ST6GALNAC3: variants seen among roughly 807,000 people sequenced by gnomAD.
The protein encoded by ST6GALNAC3 is ST6 N-acetylgalactosaminide alpha-2,6-sialyltransferase 3.
A neutral mutation model predicts 32.7 loss-of-function variants in ST6GALNAC3; 25 were observed. The ratio of observed to expected loss-of-function variants is 0.76; its 90% confidence interval spans 0.56 to 1.07. The LOEUF (loss-of-function observed/expected upper bound fraction) is 1.07, where lower values mean the gene tolerates loss of function less well. Ranked by LOEUF, ST6GALNAC3 falls within the 50% of genes least tolerant of loss-of-function variation. The probability of loss-of-function intolerance (pLI) is 0.00; values close to 1 mark genes in which losing one functional copy is unlikely to be tolerated. For synonymous variants in ST6GALNAC3, 129 were observed against 133.1 expected, an observed-to-expected ratio of 0.97 and a Z score of 0.21; for missense variants, 355 against 382.4, an observed-to-expected ratio of 0.93 and a Z score of 0.60.
chr1:76,370,212 A>T (rs1289727834), intron 2 of ST6GALNAC3, among the ~76,000 whole-genome samples: 1 of 152,162 alleles, frequency 6.6e-6, no homozygotes, highest in Non-Finnish European at 1.5e-5. Flanking sequence ...TGCAAATAAA[A>T]ATTAGTAAAT....
At chr1:76,077,429 A>G (rs1290710142) in intron 1 of ST6GALNAC3, among the ~76,000 whole-genome samples, 2 of 152,212 alleles carry the variant, frequency 1.3e-5, no homozygotes, top group African/African-American at 4.8e-5. Flanking sequence ...ATTTTATTTG[A>G]TGTTAATGTT....
At chr1:76,414,487 C>A (rs1654479910) in intron 3 of ST6GALNAC3, among the ~76,000 whole-genome samples, 1 of 151,964 alleles carries the variant, frequency 6.6e-6, no homozygotes, top group African/African-American at 2.4e-5. Context: ...ATATCCTAAC[C>A]CCATCTATGT....
intron 3 of ST6GALNAC3, among the ~76,000 whole-genome samples, chr1:76,460,060 A>T (rs1658175199): frequency 6.6e-6 from 1 of 152,184 alleles, no homozygotes; most frequent in Non-Finnish European, 1.5e-5. Flanking sequence ...GATCTGTCAA[A>T]TTGCTTTCTA....
At chr1:76,253,314 A>G (rs1657726489) in intron 1 of ST6GALNAC3, among the ~76,000 whole-genome samples, 1 of 152,138 alleles carries the variant, frequency 6.6e-6, no homozygotes. Context: ...TGAATAAGGA[A>G]GTATAAATGG....
At chr1:76,172,524 A>C (rs1371287720) in intron 1 of ST6GALNAC3, among the ~76,000 whole-genome samples, 1 of 152,180 alleles carries the variant, frequency 6.6e-6, no homozygotes, top group Non-Finnish European at 1.5e-5. Flanking sequence ...AGGTATTCAA[A>C]TAGGAAGAAA....
chr1:76,297,975 A>C (rs1660504934), intron 1 of ST6GALNAC3, among the ~76,000 whole-genome samples: 1 of 151,938 alleles, frequency 6.6e-6, no homozygotes, highest in African/African-American at 2.4e-5. Context: ...TTTGTACAGA[A>C]AAAAAAACTA....
intron 1 of ST6GALNAC3, among the ~76,000 whole-genome samples, chr1:76,143,531 T>C (rs1650478035): frequency 6.6e-6 from 1 of 152,070 alleles, no homozygotes. Context: ...TAAAAGGTTA[T>C]ATACTGGAAG....
At position 76,496,723 on chromosome 1, in the gene ST6GALNAC3, A is replaced by T. The variant is rs1660870795; in HGVS notation, c.623+84306A>T. Among the ~76,000 whole-genome samples the T allele has an allele frequency of 2.6e-5, 4 of 152,140 alleles. 1 individual carries two copies. Among genetic ancestry groups the T allele is most frequent in the Admixed American group, 2.6e-4 (4 of 15,254 alleles). On this transcript the variant is annotated intron_variant, in intron 3 of 4. Transcript: ENST00000328299. ...TAATTAAATTGTGTCCCAGCAGTGA[A>T]GGTTCCTTAATGATAATGAGCCAAA...
rs557894636 is a variant in ST6GALNAC3 at position 76,614,404 on chromosome 1, G to C, written c.624-13048G>C. Among the ~76,000 whole-genome samples the C allele has an allele frequency of 1.8e-4, 27 of 152,188 alleles. No individual in the cohort carries two copies. In the East Asian group the frequency reaches 5.2e-3, roughly 29 times the overall value. ...CCTTTGCTGCATACCACATTATAAC[G>C]ACCTAGGAATTCTTTAAAAATTTAA... is the stretch of plus-strand genomic sequence containing the variant. On this transcript the variant is annotated intron_variant, in intron 3 of 4. Transcript: ENST00000328299.
At chr1:76,483,665 G>A (rs1026762156) in intron 3 of ST6GALNAC3, among the ~76,000 whole-genome samples, 7 of 152,112 alleles carry the variant, frequency 4.6e-5, no homozygotes, top group Non-Finnish European at 8.8e-5. Context: ...CTTCCATTCT[G>A]TAGGTTGCCT....
chr1:76,420,488 C>T (rs1654957606), intron 3 of ST6GALNAC3, among the ~76,000 whole-genome samples: 1 of 151,990 alleles, frequency 6.6e-6, no homozygotes, highest in South Asian at 2.1e-4. Flanking sequence ...CAACACATGT[C>T]CTAAGGACAG....
At chr1:76,445,001 T>C (rs1656871828) in intron 3 of ST6GALNAC3, among the ~76,000 whole-genome samples, 1 of 152,236 alleles carries the variant, frequency 6.6e-6, no homozygotes, top group Non-Finnish European at 1.5e-5. Flanking sequence ...TAACCAGTAC[T>C]GACTAGAAAG....
intron 1 of ST6GALNAC3, among the ~76,000 whole-genome samples, chr1:76,218,346 C>CA (rs1345054008): frequency 2.6e-5 from 4 of 152,168 alleles, no homozygotes; most frequent in Non-Finnish European, 5.9e-5. Context: ...CTGCCCATGT[C>CA]AAAGACCTTG....
intron 2 of ST6GALNAC3, among the ~76,000 whole-genome samples, chr1:76,325,785 A>G (rs538802850): frequency 4.9e-4 from 73 of 149,550 alleles, no homozygotes; most frequent in African/African-American, 1.8e-3. Context: ...TGGTATACAT[A>G]CACACAAATA....
chr1:76,405,083 A>T (rs1653726665), intron 2 of ST6GALNAC3, among the ~76,000 whole-genome samples: 1 of 152,126 alleles, frequency 6.6e-6, no homozygotes, highest in Non-Finnish European at 1.5e-5. Context: ...TGTGTTTCAA[A>T]TCTGGCTGTT....
At chr1:76,235,036 A>G (rs1164889290) in intron 1 of ST6GALNAC3, among the ~76,000 whole-genome samples, 1 of 152,214 alleles carries the variant, frequency 6.6e-6, no homozygotes, top group African/African-American at 2.4e-5. Flanking sequence ...TCAAAGTAGC[A>G]GGGCCTCACA....
Position 76,629,735 on chromosome 1 carries a change from A to G in ST6GALNAC3, c.*929A>G. 3.1e-6 allele frequency: 3 copies of G among 982,324 alleles called. No individual in the cohort carries two copies. The highest frequency in any genetic ancestry group is 3.6e-6 in the Non-Finnish European group (3 of 826,756). The allele number at this position is 982,324 out of a possible 1,614,324, so 60.9% of individuals were successfully genotyped here. A position where few individuals can be genotyped will look rare whatever the true frequency, so the allele number is the denominator to read the frequency against. Reference sequence around the variant, plus strand: ...AACTATATGATTTTTAAAATCATGAAATAGAGACAGCAAAGCATATTTTTA... The same window carrying G: ...AACTATATGATTTTTAAAATCATGAGATAGAGACAGCAAAGCATATTTTTA... On this transcript the variant is annotated 3_prime_UTR_variant, in exon 5 of 5. Transcript: ENST00000328299.
chr1:76,130,631 C>T (rs977828394), intron 1 of ST6GALNAC3, among the ~76,000 whole-genome samples: 10 of 152,180 alleles, frequency 6.6e-5, no homozygotes, highest in Non-Finnish European at 1.5e-4. Context: ...CCCTCCTGGG[C>T]TTTTCCAGTT....
chr1:76,251,507 C>G (rs1398355382), intron 1 of ST6GALNAC3, among the ~76,000 whole-genome samples: 2 of 152,142 alleles, frequency 1.3e-5, no homozygotes, highest in African/African-American at 2.4e-5. Context: ...AAACCCTTCA[C>G]TGTTCTCTCC....
Sources: gnomAD v4.1 joint callset for allele counts (sites outside exome capture counted in the v4.1 genomes callset) on GRCh38, gnomAD v4.1.1 for gene constraint, MANE v1.5 for transcripts, NCBI Gene and HGNC (gene_info 2026-07-23, HGNC 2026-07-21) for gene names.